The following IL1R1 variants were observed in gnomAD, a reference collection of about 807,000 sequenced individuals.
IL1R1 encodes the protein interleukin-1 receptor type 1.
In IL1R1, 22 loss-of-function variants were observed where a neutral mutation model predicts 50.2. That is an observed-to-expected ratio of 0.44 (90% CI 0.31 to 0.63). IL1R1 has a LOEUF of 0.63. IL1R1 is among the 20% of genes least tolerant of loss of function. The pLI, the probability that IL1R1 is intolerant of heterozygous loss-of-function variation, is 0.07. For synonymous variants in IL1R1, 251 were observed against 236.7 expected (o/e 1.06, Z -0.55); for missense variants, 509 against 676.2 (o/e 0.75, Z 2.74).
At chr2:102,176,283 T>C (rs777876635) in intron 11 of IL1R1, 70 bp from the exon 12 acceptor site, 2 of 1,384,334 alleles carry the variant, frequency 1.4e-6, no homozygotes, top group Non-Finnish European at 9.9e-7. Flanking sequence ...AAGCCTTGTG[T>C]GGCTTTGGTT....
Position 102,157,804 on chromosome 2 carries a change from T to C in IL1R1, c.61+19T>C, listed in dbSNP as rs1029749207. The C allele has an allele frequency of 6.6e-7, 1 of 1,521,510 alleles. No homozygotes were observed. Among genetic ancestry groups the C allele is most frequent in the Admixed American group, 1.7e-5 (1 of 59,754 alleles). The allele number at this position is 1,521,510 out of a possible 1,614,324, so 94.3% of individuals were successfully genotyped here. A position where few individuals can be genotyped will look rare whatever the true frequency, so the allele number is the denominator to read the frequency against. Reference sequence around the variant, plus strand: ...GAGGCTGGTAAGTTAAGTATTTCTTTGTGTTCTTGTCTGCTAAGAAAATCT... The same window carrying C: ...GAGGCTGGTAAGTTAAGTATTTCTTCGTGTTCTTGTCTGCTAAGAAAATCT... On this transcript the variant is annotated intron_variant, in intron 3 of 11. Transcript: ENST00000410023.
chr2:102,140,676 C>T (rs879365076), upstream of IL1R1, among the ~76,000 whole-genome samples: 6 of 152,274 alleles, frequency 3.9e-5, no homozygotes, highest in East Asian at 3.9e-4. Flanking sequence ...CTCCACCTTA[C>T]GGAAGCCTCC....
intron 1 of IL1R1, among the ~76,000 whole-genome samples, chr2:102,093,964 G>A (rs890225842): frequency 6.6e-6 from 1 of 152,174 alleles, no homozygotes; most frequent in African/African-American, 2.4e-5. Context: ...TCCGTCCTGA[G>A]CTTCACCTGC....
chr2:102,168,513 T>C, intron 6 of IL1R1, 85 bp from the exon 7 acceptor site: 1 of 1,026,156 alleles, frequency 9.7e-7, no homozygotes, highest in Non-Finnish European at 1.5e-6. Flanking sequence ...CCAGAAGTCA[T>C]TTAGTATGTT....
chr2:102,170,329 CCTT>C (rs1290784852), intron 7 of IL1R1, among the ~76,000 whole-genome samples: 2 of 152,156 alleles, frequency 1.3e-5, no homozygotes, highest in Non-Finnish European at 2.9e-5. Context: ...ATACTATAGA[CCTT>C]CTCACTAAAG....
chr2:102,171,857 T>A lies in IL1R1; in HGVS notation c.778T>A (p.Trp260Arg), dbSNP rs1685700020. The change falls in exon 8 of 12, where the codon TGG becomes AGG. Residue 260 changes from tryptophan (W) to arginine (R), a missense_variant. Trp to Arg is a moderately radical substitution (Grantham distance 101, BLOSUM62 -3). Coordinates refer to ENST00000410023, the MANE Select transcript of IL1R1 (RefSeq NM_000877.4). ...CGGCCAGTTGAGTGACATTGCTTAC[T>A]GGAAGTGGAATGGGTCAGTAATTGA... is the stretch of plus-strand genomic sequence containing the variant. Reference protein sequence around the residue: ...VTGQLSDIAYWKWNGSVIDED... With the variant: ...VTGQLSDIAYRKWNGSVIDED... The A allele has an allele frequency of 6.2e-7, 1 of 1,610,372 alleles. No homozygotes were observed. The highest frequency in any genetic ancestry group is 8.5e-7 in the Non-Finnish European group (1 of 1,177,330).
rs182681395 is a variant in IL1R1, at chr2:102,071,915, G to A, written c.-84+1382G>A. 9.0e-4 allele frequency among the ~76,000 whole-genome samples: 137 copies of A among 152,238 alleles called. 1 individual carries two copies. The highest frequency in any genetic ancestry group is 3.1e-3 in the African/African-American group (130 of 41,544). ...CTGGACTATACATCCTCCACAATGG[G>A]CCCTTAGAATTGGTCCATATTTTTC... On this transcript the variant is annotated intron_variant, in intron 1 of 11. Transcript: ENST00000409929.
intron 3 of IL1R1, among the ~76,000 whole-genome samples, chr2:102,159,522 G>C (rs889453401): frequency 4.6e-5 from 7 of 152,190 alleles, no homozygotes; most frequent in Non-Finnish European, 8.8e-5. Context: ...CACCCTTCTG[G>C]GTTCCCCAGG....
intron 1 of IL1R1, among the ~76,000 whole-genome samples, chr2:102,150,932 T>C (rs1165346336): frequency 6.6e-6 from 1 of 152,236 alleles, no homozygotes; most frequent in African/African-American, 2.4e-5. Flanking sequence ...TTAATCCTTT[T>C]CTCTTTCTTG....
At position 102,072,123 on chromosome 2, in the gene IL1R1, G is replaced by T. The variant is rs1456685640; in HGVS notation, c.-84+1590G>T. 5.3e-5 allele frequency among the ~76,000 whole-genome samples: 8 copies of T among 151,770 alleles called. No homozygotes were observed. The East Asian group carries it at 1.2e-3, about 22-fold the overall frequency. The stretch of plus-strand genomic sequence containing the variant: ...AAATACAAAAAAATTAGCTGGGCAT[G>T]GTGGCCTGTGCCTGTAATCCTAGCT... On this transcript the variant is annotated intron_variant, in intron 1 of 11. Coordinates refer to the IL1R1 transcript ENST00000409929.
chr2:102,162,474 T>C (rs1684815490), intron 3 of IL1R1, among the ~76,000 whole-genome samples: 1 of 152,174 alleles, frequency 6.6e-6, no homozygotes. Context: ...AATTCTGTTA[T>C]TTTTTTCTCT....
chr2:102,108,446 A>G (rs1311802132), intron 1 of IL1R1, among the ~76,000 whole-genome samples: 3 of 152,124 alleles, frequency 2.0e-5, no homozygotes, highest in Non-Finnish European at 4.4e-5. Flanking sequence ...TCAGCTCCCC[A>G]GTGGACTGAG....
chr2:102,089,809 C>A (rs900925146), intron 1 of IL1R1, among the ~76,000 whole-genome samples: 17 of 150,682 alleles, frequency 1.1e-4, no homozygotes, highest in Non-Finnish European at 1.8e-4. Context: ...TATGATGGGT[C>A]AAGGTGTAGT....
At chr2:102,107,827 C>T (rs79357562) in intron 1 of IL1R1, among the ~76,000 whole-genome samples, 1,782 of 152,266 alleles carry the variant, frequency 0.012, 38 homozygotes, top group African/African-American at 0.041. Context: ...CTTCTGCCAA[C>T]CTAATTTCTG....
chr2:102,164,247 C>A (rs1684973713), intron 3 of IL1R1, among the ~76,000 whole-genome samples: 1 of 152,044 alleles, frequency 6.6e-6, no homozygotes, highest in Non-Finnish European at 1.5e-5. Context: ...ACTTTTCTAC[C>A]CAGGTTCTCA....
At chr2:102,170,307 C>T (rs891690706) in intron 7 of IL1R1, among the ~76,000 whole-genome samples, 2 of 152,152 alleles carry the variant, frequency 1.3e-5, no homozygotes, top group African/African-American at 4.8e-5. Context: ...CACTAATATT[C>T]TTCATGGTGA....
In IL1R1 at chr2:102,177,223, G is replaced by A; in HGVS notation, c.*464G>A. The A allele has an allele frequency of 5.7e-6, 1 of 176,358 alleles. No homozygotes were observed. Among genetic ancestry groups the A allele is most frequent in the Non-Finnish European group, 1.2e-5 (1 of 80,808 alleles). 10.9% of individuals were successfully genotyped at this position (176,358 alleles called of 1,614,324 possible). ...GGAGGTTGCAGTGAGCCGAGTTTGG[G>A]CCACTGCACTCTAGCCTGGCAACAG... On this transcript the variant is annotated 3_prime_UTR_variant, in exon 12 of 12. Transcript: ENST00000410023.
At chr2:102,166,737 T>C (rs1279113280) in intron 6 of IL1R1, among the ~76,000 whole-genome samples, 1 of 152,168 alleles carries the variant, frequency 6.6e-6, no homozygotes, top group African/African-American at 2.4e-5. Flanking sequence ...TGTTAGGTGT[T>C]AACCTCTCTA....
chr2:102,114,533 A>G lies in IL1R1; in HGVS notation c.-84+9661A>G, dbSNP rs77990675. On this transcript the variant is annotated intron_variant, in intron 1 of 10. Coordinates refer to the IL1R1 transcript ENST00000409329. ...AATAAGTTTCCCTCAAGGTTTAAGC[A>G]TTTCTCGAGATTAACGTAGTGGGTT... Among the ~76,000 whole-genome samples the G allele has an allele frequency of 6.3e-3, 957 of 152,298 alleles. 22 individuals carry two copies. Among genetic ancestry groups the G allele is most frequent in the East Asian group, 0.053 (272 of 5,168 alleles).
Sources: allele counts gnomAD v4.1 joint callset (sites outside exome capture counted in the v4.1 genomes callset), GRCh38; gene constraint gnomAD v4.1.1; transcripts MANE v1.5; gene names NCBI Gene and HGNC (gene_info 2026-07-23, HGNC 2026-07-21).